Variants in CES3 observed in about 807,000 individuals in gnomAD.
The protein encoded by CES3 is carboxylesterase 3 (brain).
In CES3, 49 loss-of-function variants were observed where a neutral mutation model predicts 57.6. The observed-to-expected ratio is 0.85, with a 90% CI of 0.68 to 1.08. The LOEUF (loss-of-function observed/expected upper bound fraction) is 1.08, where lower values mean the gene tolerates loss of function less well. CES3 is among the 50% of genes least tolerant of loss of function. The pLI is 0.00. For missense variants in CES3, 645 were observed against 742.0 expected (o/e 0.87, Z 1.52); for synonymous variants, 266 against 281.6 (o/e 0.94, Z 0.55).
intron 6 of CES3, among the ~76,000 whole-genome samples, chr16:66,965,070 A>G (rs1381628083): frequency 6.6e-6 from 1 of 152,198 alleles, no homozygotes; most frequent in African/African-American, 2.4e-5. Flanking sequence ...CAGGCTCCAG[A>G]TCCCCACCCT....
At chr16:66,972,563 G>T in intron 11 of CES3, 58 bp downstream of exon 11, 1 of 1,606,112 alleles carries the variant, frequency 6.2e-7, no homozygotes, top group Non-Finnish European at 8.5e-7. Context: ...AGGGGCCTGG[G>T]CAGGGCTTGC....
In CES3 at chr16:66,961,270, C is replaced by G. The variant is rs1490458562; in HGVS notation, c.-38C>G. The G allele has an allele frequency of 6.4e-7, 1 of 1,553,284 alleles. No homozygotes were observed. The highest frequency in any genetic ancestry group is 8.9e-7 in the Non-Finnish European group (1 of 1,127,036). On this transcript the variant is annotated 5_prime_UTR_variant, in exon 1 of 13. Transcript: ENST00000303334. ...GTGCTGAAGGGCAGGGATCTTATTC[C>G]ACCTTCTGAAGCTTCTGTCGAACCA...
chr16:66,965,870 G>T (rs749668991), intron 6 of CES3, among the ~76,000 whole-genome samples: 1 of 152,166 alleles, frequency 6.6e-6, no homozygotes, highest in Non-Finnish European at 1.5e-5. Context: ...AACCCGGGAC[G>T]CAGAGCTTGC....
rs768225359 is a variant in CES3, at chr16:66,969,771, G to A, written c.1143+12G>A. On this transcript the variant is annotated intron_variant, in intron 9 of 12. Coordinates refer to ENST00000303334, the MANE Select transcript of CES3 (RefSeq NM_024922.6). Reference sequence around the variant, plus strand: ...TCTTGACCAGTCTGGTGAGACAAGAGGCAGGAGGGAGGAAGCTAGGGCAGG... The same window carrying A: ...TCTTGACCAGTCTGGTGAGACAAGAAGCAGGAGGGAGGAAGCTAGGGCAGG... The A allele has an allele frequency of 1.9e-6, 3 of 1,607,854 alleles. No individual in the cohort carries two copies. Among genetic ancestry groups the A allele is most frequent in the African/African-American group, 1.3e-5 (1 of 74,694 alleles).
rs906326254 is a variant in CES3, at chr16:66,974,750, G to C, written c.*1701G>C. 2.6e-5 allele frequency: 4 copies of C among 152,470 alleles called. No individual in the cohort carries two copies. The highest frequency in any genetic ancestry group is 1.3e-4 in the Admixed American group (2 of 15,282). 9.4% of individuals were successfully genotyped at this position (152,470 alleles called of 1,614,324 possible). ...CTAGCTAAGGGATTGTAAATACACC[G>C]ATGGGCACTCTGTATCTAGCTCAAG... On this transcript the variant is annotated 3_prime_UTR_variant, in exon 13 of 13. Coordinates refer to ENST00000303334, the MANE Select transcript of CES3 (RefSeq NM_024922.6).
rs751057771 is a variant in CES3 at position 66,961,335 on chromosome 16, G to A, written c.28G>A (p.Gly10Arg). The A allele has an allele frequency of 8.1e-6, 13 of 1,613,814 alleles. No individual in the cohort carries two copies. Among genetic ancestry groups the A allele is most frequent in the East Asian group, 2.2e-5 (1 of 44,882 alleles). MERAVRVES[G>R]VLVGVVCLLL... Reference sequence around the variant, plus strand: ...GGAGAGAGCAGTGAGAGTGGAGTCCGGGGTCCTGGTCGGGGTGGTCTGTCT... The same window carrying A: ...GGAGAGAGCAGTGAGAGTGGAGTCCAGGGTCCTGGTCGGGGTGGTCTGTCT... The change falls in exon 1 of 13, where the codon GGG becomes AGG. Residue 10 changes from glycine to arginine, a missense_variant. Gly to Arg is a moderately radical substitution (Grantham distance 125). Coordinates refer to ENST00000303334, the MANE Select transcript of CES3 (RefSeq NM_024922.6).
At chr16:66,967,823 G>A (rs954558352) in intron 8 of CES3, 12 of 927,878 alleles carry the variant, frequency 1.3e-5, no homozygotes, top group African/African-American at 3.6e-5. Flanking sequence ...GTGCAGCAGC[G>A]CCATCATGAC....
Position 66,971,182 on chromosome 16 carries a change from C to T in CES3, c.1154C>T (p.Pro385Leu). The T allele has an allele frequency of 1.2e-6, 2 of 1,613,442 alleles. No homozygotes were observed. Among genetic ancestry groups the T allele is most frequent in the Non-Finnish European group, 8.5e-7 (1 of 1,179,584 alleles). The change falls in exon 10 of 13, where the codon CCT (proline) becomes CTT (leucine). Residue 385 changes from proline (P) to leucine (L), a missense_variant. Pro to Leu is a moderately conservative substitution (Grantham distance 98). Transcript: ENST00000303334. Reference sequence around the variant, plus strand: ...GGCCTCTTGCCCCAGGATGTGCCCCCTGAGATGATGCCCACCGTCATAGAT... The same window carrying T: ...GGCCTCTTGCCCCAGGATGTGCCCCTTGAGATGATGCCCACCGTCATAGAT... Reference protein sequence around the residue: ...TPVLTSLDVPPEMMPTVIDEY... With the variant: ...TPVLTSLDVPLEMMPTVIDEY...
intron 8 of CES3, 87 bp downstream of exon 8, chr16:66,966,952 G>A (rs1032922910): frequency 3.2e-5 from 48 of 1,488,784 alleles, no homozygotes; most frequent in East Asian, 2.7e-4. Context: ...CCTTGTGAAC[G>A]GAGCACTCCC....
intron 9 of CES3, among the ~76,000 whole-genome samples, 157 bp downstream of exon 9, chr16:66,969,916 T>C (rs1229467876): frequency 6.6e-6 from 1 of 151,958 alleles, no homozygotes; most frequent in East Asian, 1.9e-4. Context: ...TTACTTCCAC[T>C]CCGGAATCTC....
At position 66,962,393 on chromosome 16, in the gene CES3, A is replaced by G. The variant is rs561625334; in HGVS notation, c.83-786A>G. 7.9e-5 allele frequency among the ~76,000 whole-genome samples: 12 copies of G among 152,354 alleles called. No homozygotes were observed. The South Asian group carries it at 2.1e-3, about 26-fold the overall frequency. On this transcript the variant is annotated intron_variant, in intron 1 of 12. Transcript: ENST00000303334. ...CTTAGTCTGTTTGTGTTGTTGTAAA[A>G]GAATACAGGAAGCTGGGTAATTCAC...
intron 6 of CES3, among the ~76,000 whole-genome samples, chr16:66,965,636 A>C (rs1567556202): frequency 6.6e-6 from 1 of 151,996 alleles, no homozygotes; most frequent in African/African-American, 2.4e-5. Context: ...GCCAGGAGAG[A>C]TTTTCTCAAC....
intron 6 of CES3, among the ~76,000 whole-genome samples, chr16:66,965,666 C>T (rs1042924096): frequency 2.0e-5 from 3 of 152,192 alleles, no homozygotes; most frequent in African/African-American, 7.2e-5. Context: ...GAGGTCATTC[C>T]CTGTCTCTCC....
At position 66,963,021 on chromosome 16, in the gene CES3, A is replaced by C; in HGVS notation, c.83-158A>C. On this transcript the variant is annotated intron_variant, in intron 1 of 12. Transcript: ENST00000303334. This position sits in a 1 kb window ranked among gnomAD's most constrained non-coding sequence, Gnocchi z 4.9. ...ACTCTCAGGCAGGCAGGGAGGAGGAAGTTGGGCGTCAACCTAAGACCAGGC... is the reference window on the plus strand; with the variant it reads ...ACTCTCAGGCAGGCAGGGAGGAGGACGTTGGGCGTCAACCTAAGACCAGGC... The C allele has an allele frequency of 1.3e-6, 1 of 772,182 alleles. No individual in the cohort carries two copies. Among genetic ancestry groups the C allele is most frequent in the Non-Finnish European group, 2.2e-6 (1 of 448,690 alleles). The allele number at this position is 772,182 out of a possible 1,614,324, so 47.8% of individuals were successfully genotyped here.
rs1040163233 is a variant in CES3, at chr16:66,967,436, G to A, written c.1062+571G>A. Reference sequence around the variant, plus strand: ...GATCTGGGCAGCATATTCCTGCCTTGGCGTCTGGTTTATACATCAGGCTCT... The same window carrying A: ...GATCTGGGCAGCATATTCCTGCCTTAGCGTCTGGTTTATACATCAGGCTCT... On this transcript the variant is annotated intron_variant, in intron 8 of 12. Coordinates refer to ENST00000303334, the MANE Select transcript of CES3 (RefSeq NM_024922.6). 10 of 928,188 alleles carry A rather than the reference G, an allele frequency of 1.1e-5. No individual in the cohort carries two copies. In the African/African-American group the frequency reaches 1.4e-4, roughly 13 times the overall value. 57.5% of individuals were successfully genotyped at this position (928,188 alleles called of 1,614,324 possible). A position where few individuals can be genotyped will look rare whatever the true frequency, so the allele number is the denominator to read the frequency against.
chr16:66,964,237 G>A (rs1416669199), intron 4 of CES3, 120 bp from the exon 5 acceptor site: 1 of 1,377,866 alleles, frequency 7.3e-7, no homozygotes, highest in Non-Finnish European at 9.8e-7. Flanking sequence ...ACGGCTCCCA[G>A]ACAGGCCAGA....
In CES3 at chr16:66,961,273, C is replaced by T. The variant is rs772303423; in HGVS notation, c.-35C>T. 2.6e-5 allele frequency: 41 copies of T among 1,568,198 alleles called. No homozygotes were observed. The highest frequency in any genetic ancestry group is 3.6e-5 in the Non-Finnish European group (41 of 1,140,248). On this transcript the variant is annotated 5_prime_UTR_variant, in exon 1 of 13. Transcript: ENST00000303334. ...CTGAAGGGCAGGGATCTTATTCCACCTTCTGAAGCTTCTGTCGAACCAGTT... is the reference window on the plus strand; with the variant it reads ...CTGAAGGGCAGGGATCTTATTCCACTTTCTGAAGCTTCTGTCGAACCAGTT...
chr16:66,972,411 G>A lies in CES3; in HGVS notation c.1347G>A (p.Ala449=), dbSNP rs138538405. The A allele has an allele frequency of 5.4e-4, 870 of 1,613,354 alleles. No homozygotes were observed. The highest frequency in any genetic ancestry group is 6.3e-4 in the Non-Finnish European group (745 of 1,179,734). The change falls in exon 11 of 13, where the codon GCG becomes GCA. Residue 449 remains alanine (A), a synonymous_variant. Coordinates refer to ENST00000303334, the MANE Select transcript of CES3 (RefSeq NM_024922.6). ...YEFQHRPSSF[A]KIKPAWVKAD... Reference sequence around the variant, plus strand: ...TCCAGCATCGACCCAGTTCTTTTGCGAAGATCAAACCTGCCTGGGTGAAGG... The same window carrying A: ...TCCAGCATCGACCCAGTTCTTTTGCAAAGATCAAACCTGCCTGGGTGAAGG...
At chr16:66,971,451 C>A in intron 10 of CES3, 132 bp downstream of exon 10, 6 of 837,722 alleles carry the variant, frequency 7.2e-6, no homozygotes, top group East Asian at 2.6e-5. Context: ...TGCCCCCCAC[C>A]AAACCTATCT....
Sources: gnomAD v4.1 joint callset for allele counts (sites outside exome capture counted in the v4.1 genomes callset) on GRCh38, gnomAD v4.1.1 for gene constraint, Gnocchi (gnomAD v3.1) non-coding constraint, MANE v1.5 for transcripts, NCBI Gene and HGNC (gene_info 2026-07-23, HGNC 2026-07-21) for gene names.